Variants in ATXN1 observed in about 807,000 individuals in gnomAD.
The protein encoded by ATXN1 is ataxin 1.
Under a neutral mutation model 56.4 loss-of-function variants are expected in ATXN1, and 8 were observed. That is an observed-to-expected ratio of 0.14 (90% CI 0.08 to 0.26). The LOEUF (loss-of-function observed/expected upper bound fraction) is 0.26, where lower values mean the gene tolerates loss of function less well. ATXN1 is among the 10% of genes least tolerant of loss of function. ATXN1 has a pLI of 1.00. For synonymous variants in ATXN1, 514 were observed against 494.6 expected, an observed-to-expected ratio of 1.04 and a Z score of -0.52; for missense variants, 987 against 1,106.5, an observed-to-expected ratio of 0.89 and a Z score of 1.53.
intron 3 of ATXN1, among the ~76,000 whole-genome samples, chr6:16,637,765 G>T (rs533895247): frequency 6.6e-6 from 1 of 152,122 alleles, no homozygotes; most frequent in South Asian, 2.1e-4. Flanking sequence ...CTACAGCTAC[G>T]CCAGGCAAAT....
chr6:16,326,492 C>A lies in ATXN1; in HGVS notation c.1819G>T (p.Asp607Tyr). The stretch of plus-strand genomic sequence containing the variant: ...ACGGTGCTGGAGTCGATCTTCAGGT[C>A]GTTGCTTATCTCTGCACTCTGGATG... ...DFIQSAEISN[D>Y]LKIDSSTVER... Residue 607 changes from aspartate to tyrosine, a missense_variant, in exon 7 of 8, where the codon GAC (aspartate) becomes TAC (tyrosine). By Grantham distance (160) the Asp-to-Tyr change is radical. Around this residue, in one of 3 missense-constraint regions of ATXN1, gnomAD observed 68 missense variants for 118.1 expected, o/e 0.58. Coordinates refer to ENST00000436367, the MANE Select transcript of ATXN1 (RefSeq NM_001128164.2). This position sits in a 1 kb window ranked among gnomAD's most constrained non-coding sequence, Gnocchi z 6.6. 6.2e-7 allele frequency: 1 copy of A among 1,614,158 alleles called. No homozygotes were observed. The highest frequency in any genetic ancestry group is 8.5e-7 in the Non-Finnish European group (1 of 1,180,044).
chr6:16,374,371 G>T (rs151050395), intron 6 of ATXN1, among the ~76,000 whole-genome samples: 139 of 152,234 alleles, frequency 9.1e-4, no homozygotes, highest in African/African-American at 3.2e-3. Flanking sequence ...ATTAGATCTG[G>T]TTTCCCACAA....
intron 6 of ATXN1, among the ~76,000 whole-genome samples, chr6:16,353,068 C>T (rs998950673): frequency 1.3e-5 from 2 of 152,060 alleles, no homozygotes; most frequent in African/African-American, 4.8e-5. Context: ...TGGGGTAAGG[C>T]GTGAGATTTT....
At chr6:16,704,614 C>T (rs886867580) in intron 2 of ATXN1, among the ~76,000 whole-genome samples, 2 of 152,180 alleles carry the variant, frequency 1.3e-5, no homozygotes, top group African/African-American at 4.8e-5. Context: ...GTAATTTCTG[C>T]ACTTTTTTAC....
At chr6:16,674,374 G>A (rs1023727242) in intron 2 of ATXN1, among the ~76,000 whole-genome samples, 3 of 119,956 alleles carry the variant, frequency 2.5e-5, no homozygotes, top group Non-Finnish European at 3.2e-5. Flanking sequence ...ACGGAGTCTC[G>A]CTCTGTTGCC....
intron 5 of ATXN1, among the ~76,000 whole-genome samples, chr6:16,503,000 C>G (rs1325999789): frequency 1.3e-5 from 2 of 152,188 alleles, no homozygotes; most frequent in African/African-American, 4.8e-5. Context: ...TTTTAAAACA[C>G]TAAGCTAATC....
intron 6 of ATXN1, among the ~76,000 whole-genome samples, chr6:16,453,469 A>C (rs1402760662): frequency 6.6e-6 from 1 of 152,158 alleles, no homozygotes; most frequent in Non-Finnish European, 1.5e-5. Context: ...TCAAAAATAA[A>C]ATAAAATAAA....
intron 1 of ATXN1, among the ~76,000 whole-genome samples, chr6:16,754,422 T>C (rs955133693): frequency 1.3e-5 from 2 of 152,160 alleles, no homozygotes; most frequent in Admixed American, 6.5e-5. Flanking sequence ...AAGAAACTAT[T>C]CTGGAGCTAT....
chr6:16,632,787 G>A (rs1038522560), intron 3 of ATXN1, among the ~76,000 whole-genome samples: 1 of 152,152 alleles, frequency 6.6e-6, no homozygotes, highest in South Asian at 2.1e-4. Flanking sequence ...GGAGGCAGAG[G>A]TGAATGGATC....
At chr6:16,583,727 CTG>C (rs932736492) in intron 4 of ATXN1, among the ~76,000 whole-genome samples, 8 of 152,144 alleles carry the variant, frequency 5.3e-5, no homozygotes, top group African/African-American at 1.9e-4. Flanking sequence ...TTTCAAAGCT[CTG>C]TGAAAAATGG....
At chr6:16,450,105 T>C (rs1277299489) in intron 6 of ATXN1, among the ~76,000 whole-genome samples, 5 of 152,240 alleles carry the variant, frequency 3.3e-5, no homozygotes, top group African/African-American at 4.8e-5. Context: ...CTAAAAATAT[T>C]TGTAAACCTC....
chr6:16,374,687 T>C (rs1219672118), intron 6 of ATXN1, among the ~76,000 whole-genome samples: 12 of 152,192 alleles, frequency 7.9e-5, no homozygotes, highest in Admixed American at 7.9e-4. Flanking sequence ...TGTGCCCCCT[T>C]GATCAGCAGC....
At chr6:16,495,559 T>G (rs1760762549) in intron 5 of ATXN1, among the ~76,000 whole-genome samples, 1 of 152,210 alleles carries the variant, frequency 6.6e-6, no homozygotes. Context: ...CATCAAATCA[T>G]GCTTTAAAAA....
intron 2 of ATXN1, among the ~76,000 whole-genome samples, chr6:16,661,448 G>T (rs571667304): frequency 7.9e-5 from 12 of 152,160 alleles, no homozygotes; most frequent in African/African-American, 2.6e-4. Context: ...ACATTTTAAG[G>T]GCTCATTTGG....
chr6:16,341,964 C>T (rs1273896825), intron 6 of ATXN1, among the ~76,000 whole-genome samples: 1 of 150,712 alleles, frequency 6.6e-6, no homozygotes. Context: ...CTCACTGCAC[C>T]TCCCAGGTTC....
chr6:16,544,644 G>T (rs778200981), intron 4 of ATXN1, among the ~76,000 whole-genome samples: 8 of 152,142 alleles, frequency 5.3e-5, no homozygotes, highest in Non-Finnish European at 1.0e-4. Context: ...TTCAAGTGAG[G>T]ATGAACATCT....
Position 16,538,038 on chromosome 6 carries a change from G to C in ATXN1, c.-360-15350C>G, listed in dbSNP as rs185490849. On this transcript the variant is annotated intron_variant, in intron 4 of 7. Transcript: ENST00000436367. Reference sequence around the variant, plus strand: ...GAATCACTTAAACCCAGGTCAGCTTGCTGGCAACTTCCCAGATTAGTGCAC... The same window carrying C: ...GAATCACTTAAACCCAGGTCAGCTTCCTGGCAACTTCCCAGATTAGTGCAC... Among the ~76,000 whole-genome samples the C allele has an allele frequency of 5.6e-4, 86 of 152,340 alleles. 1 individual carries two copies. The highest frequency in any genetic ancestry group is 4.4e-3 in the East Asian group (23 of 5,182).
At chr6:16,404,692 A>C (rs1175169314) in intron 6 of ATXN1, among the ~76,000 whole-genome samples, 1 of 131,806 alleles carries the variant, frequency 7.6e-6, no homozygotes, top group Admixed American at 7.0e-5. Context: ...ATGCACGCGC[A>C]CTCGCGCGCG....
At chr6:16,601,322 T>G (rs1762907925) in intron 3 of ATXN1, among the ~76,000 whole-genome samples, 1 of 152,206 alleles carries the variant, frequency 6.6e-6, no homozygotes, top group Non-Finnish European at 1.5e-5. Flanking sequence ...AATTCTTATT[T>G]AAGTATGTTG....
Sources: allele counts gnomAD v4.1 joint callset (sites outside exome capture counted in the v4.1 genomes callset), GRCh38; gene constraint gnomAD v4.1.1; regional missense constraint gnomAD v4.1.1; non-coding constraint Gnocchi (gnomAD v3.1); transcripts MANE v1.5; gene names NCBI Gene and HGNC (gene_info 2026-07-23, HGNC 2026-07-21).